GSE1: variants seen among roughly 807,000 people sequenced by gnomAD.
GSE1 encodes genetic suppressor element 1.
GSE1 carries 32 observed loss-of-function variants against 112.6 expected under a neutral mutation model. The observed-to-expected ratio is 0.28, with a 90% CI of 0.21 to 0.38. GSE1 has a LOEUF of 0.38. GSE1 is among the 10% of genes least tolerant of loss of function. The pLI, the probability that GSE1 is intolerant of heterozygous loss-of-function variation, is 1.00. For missense variants in GSE1, 2,348 were observed against 1,699.2 expected, an observed-to-expected ratio of 1.38 and a Z score of -6.71; for synonymous variants, 1,115 against 735.6, an observed-to-expected ratio of 1.52 and a Z score of -8.35.
intron 2 of GSE1, among the ~76,000 whole-genome samples, chr16:85,456,346 C>T (rs1453663467): frequency 6.6e-6 from 1 of 152,114 alleles, no homozygotes; most frequent in Non-Finnish European, 1.5e-5. Flanking sequence ...TGAGAGGAAG[C>T]GCTTGGAGGT....
At chr16:85,193,207 C>T (rs535040942) in intron 1 of GSE1, among the ~76,000 whole-genome samples, 1 of 152,306 alleles carries the variant, frequency 6.6e-6, no homozygotes, top group African/African-American at 2.4e-5. Context: ...TTTCTCCATT[C>T]ATTCAATTCT....
intron 1 of GSE1, among the ~76,000 whole-genome samples, chr16:85,627,888 C>T (rs755093542): frequency 1.4e-4 from 21 of 152,232 alleles, no homozygotes; most frequent in Non-Finnish European, 2.5e-4. Flanking sequence ...GTGTCCCCCA[C>T]GGACACCTTG....
intron 7 of GSE1, among the ~76,000 whole-genome samples, chr16:85,656,902 G>A (rs1253951882): frequency 6.6e-6 from 1 of 152,260 alleles, no homozygotes; most frequent in African/African-American, 2.4e-5. Flanking sequence ...GGGGCATTAG[G>A]AAGGGATGTT....
Position 85,603,593 on chromosome 16 carries a change from C to T in GSE1, c.38-44959C>T, listed in dbSNP as rs1362044235. 1.3e-5 allele frequency among the ~76,000 whole-genome samples: 2 copies of T among 152,240 alleles called. 1 individual carries two copies. Among genetic ancestry groups the T allele is most frequent in the African/African-American group, 4.8e-5 (2 of 41,454 alleles). On this transcript the variant is annotated intron_variant, in intron 1 of 2. Coordinates refer to the GSE1 transcript ENST00000635906. Reference sequence around the variant, plus strand: ...ATGGCTCACTGCAGCCTCAACCTCTCAGGCTCAAGCCAGTCCTCCCACCTC... The same window carrying T: ...ATGGCTCACTGCAGCCTCAACCTCTTAGGCTCAAGCCAGTCCTCCCACCTC...
rs1403493299 is a variant in GSE1 at position 85,631,025 on chromosome 16, T to C, written c.8-2889T>C. 2.0e-5 allele frequency among the ~76,000 whole-genome samples: 3 copies of C among 152,136 alleles called. 1 individual carries two copies. Among genetic ancestry groups the C allele is most frequent in the Admixed American group, 1.3e-4 (2 of 15,278 alleles). Reference sequence around the variant, plus strand: ...CAGTATCCCCTGGGGGGGTGGTCTTTGCGTTCCCCGGGGCCCTGCTCCTGT... The same window carrying C: ...CAGTATCCCCTGGGGGGGTGGTCTTCGCGTTCCCCGGGGCCCTGCTCCTGT... On this transcript the variant is annotated intron_variant, in intron 1 of 15. Transcript: ENST00000253458.
chr16:85,460,307 C>T (rs1273687713), intron 2 of GSE1, among the ~76,000 whole-genome samples: 1 of 152,176 alleles, frequency 6.6e-6, no homozygotes, highest in Non-Finnish European at 1.5e-5. Flanking sequence ...ACCTGGACCC[C>T]CTTCTCCAGA....
intron 1 of GSE1, among the ~76,000 whole-genome samples, chr16:85,270,883 T>C (rs1403217138): frequency 6.6e-6 from 1 of 152,116 alleles, no homozygotes; most frequent in East Asian, 1.9e-4. Context: ...CAGGCGGACA[T>C]GGAAAGAAGG....
At chr16:85,450,009 C>A (rs141261438) in intron 2 of GSE1, among the ~76,000 whole-genome samples, 1 of 151,966 alleles carries the variant, frequency 6.6e-6, no homozygotes, top group East Asian at 1.9e-4. Flanking sequence ...GTCTTCAGCC[C>A]CTTGGTGTAG....
chr16:85,673,560 T>G lies in GSE1; in HGVS notation c.*1021T>G, dbSNP rs1567779932. On this transcript the variant is annotated 3_prime_UTR_variant, in exon 16 of 16. Coordinates refer to ENST00000253458, the MANE Select transcript of GSE1 (RefSeq NM_014615.5). ...AAAATATTGAAGTGTTTTTAAAAAT[T>G]AAAGAAGAAGAAAAGTAAAAGAGCT... is the stretch of plus-strand genomic sequence containing the variant. 1 of 152,262 alleles carries G rather than the reference T, an allele frequency of 6.6e-6. No individual in the cohort carries two copies. Among genetic ancestry groups the G allele is most frequent in the East Asian group, 1.9e-4 (1 of 5,186 alleles). The allele number at this position is 152,262 out of a possible 1,614,324, so 9.4% of individuals were successfully genotyped here.
intron 1 of GSE1, among the ~76,000 whole-genome samples, chr16:85,264,678 G>A (rs866432315): frequency 3.3e-5 from 5 of 152,164 alleles, no homozygotes; most frequent in Admixed American, 6.5e-5. Context: ...GGTGCTTGTC[G>A]CAGCTCAAGC....
At chr16:85,362,763 G>A (rs1433375656) in intron 2 of GSE1, among the ~76,000 whole-genome samples, 3 of 151,552 alleles carry the variant, frequency 2.0e-5, no homozygotes, top group Non-Finnish European at 2.9e-5. Context: ...TGGCCCTGGA[G>A]TAGTGCCACG....
At chr16:85,396,801 G>A (rs1302998034) in intron 2 of GSE1, among the ~76,000 whole-genome samples, 1 of 152,232 alleles carries the variant, frequency 6.6e-6, no homozygotes, top group African/African-American at 2.4e-5. Context: ...GCGCAGGTCA[G>A]GGCCATGGGC....
intron 1 of GSE1, among the ~76,000 whole-genome samples, chr16:85,304,291 T>C (rs2045606099): frequency 6.6e-6 from 1 of 152,148 alleles, no homozygotes; most frequent in South Asian, 2.1e-4. Flanking sequence ...ACCCCTGGCA[T>C]GGTGTCTTTA....
intron 3 of GSE1, 78 bp downstream of exon 3, chr16:85,648,829 G>T: frequency 8.6e-6 from 7 of 809,334 alleles, no homozygotes; most frequent in Non-Finnish European, 1.1e-5. Context: ...GGGCTCTGGA[G>T]CTTTCGAGGT....
chr16:85,544,684 C>T (rs2044636174), intron 2 of GSE1, among the ~76,000 whole-genome samples: 1 of 152,312 alleles, frequency 6.6e-6, no homozygotes, highest in South Asian at 2.1e-4. Flanking sequence ...GAGGAGACAG[C>T]GAGATCTGCG....
At chr16:85,556,376 T>TGCGCCTCCCTGGGTCCCGC in intron 1 of GSE1, 1 of 983,200 alleles carries the variant, frequency 1.0e-6, no homozygotes, top group Non-Finnish European at 1.2e-6. Flanking sequence ...AAGCGAGCCG[T>TGCGCCTCCCTGGGTCCCGC]GCGCCTCCCT....
At chr16:85,346,889 G>T (rs922604029) in intron 1 of GSE1, among the ~76,000 whole-genome samples, 11 of 152,086 alleles carry the variant, frequency 7.2e-5, no homozygotes, top group Non-Finnish European at 1.3e-4. Context: ...TGGATGAGCG[G>T]ATGGATGGTG....
intron 2 of GSE1, among the ~76,000 whole-genome samples, chr16:85,388,245 T>A (rs1303265379): frequency 2.0e-5 from 3 of 147,018 alleles, no homozygotes; most frequent in Non-Finnish European, 3.0e-5. Flanking sequence ...GATGGATGGA[T>A]GGATGAATGG....
At chr16:85,670,245 C>G (rs530452211) in intron 14 of GSE1, among the ~76,000 whole-genome samples, 2 of 152,254 alleles carry the variant, frequency 1.3e-5, no homozygotes, top group South Asian at 2.1e-4. Context: ...TTGGTTCTTT[C>G]CTTTTGAATT....
Sources: allele counts gnomAD v4.1 joint callset (sites outside exome capture counted in the v4.1 genomes callset), GRCh38; gene constraint gnomAD v4.1.1; transcripts MANE v1.5; gene names NCBI Gene and HGNC (gene_info 2026-07-23, HGNC 2026-07-21).